The following BCAS3 variants were observed in gnomAD, a reference collection of about 807,000 sequenced individuals.
The protein encoded by BCAS3 is BCAS3 microtubule associated cell migration factor.
In BCAS3, 53 loss-of-function variants were observed where a neutral mutation model predicts 116.1. The ratio of observed to expected loss-of-function variants is 0.46; its 90% CI spans 0.37 to 0.57. The LOEUF is 0.57. Ranked by LOEUF, BCAS3 falls within the 20% of genes least tolerant of loss-of-function variation. The pLI, the probability that BCAS3 is intolerant of heterozygous loss-of-function variation, is 0.00. For missense variants in BCAS3, 917 were observed against 1,165.4 expected (o/e 0.79, Z 3.10); for synonymous variants, 391 against 408.2 (o/e 0.96, Z 0.51).
In BCAS3 at chr17:61,347,651, G is replaced by A. The variant is rs147526586; in HGVS notation, c.2426-20676G>A. On this transcript the variant is annotated intron_variant, in intron 22 of 23. Coordinates refer to ENST00000407086, the MANE Select transcript of BCAS3 (RefSeq NM_017679.5). This position sits in a 1 kb window ranked among gnomAD's most constrained non-coding sequence, Gnocchi z 4.3. ...CAAATTTCCCATCATCCAGCATAGC[G>A]ACTGGTGCACAATAGACATCTGTTT... 2.1e-3 allele frequency among the ~76,000 whole-genome samples: 315 copies of A among 152,278 alleles called. No homozygotes were observed. Among genetic ancestry groups the A allele is most frequent in the Non-Finnish European group, 3.1e-3 (211 of 68,024 alleles).
At chr17:61,121,122 A>G (rs961584325) in intron 22 of BCAS3, among the ~76,000 whole-genome samples, 9 of 152,262 alleles carry the variant, frequency 5.9e-5, no homozygotes, top group Admixed American at 5.2e-4. Flanking sequence ...GGCACTTGAA[A>G]AAAAGGGGTT....
At chr17:60,951,786 T>TTTC (rs2060848660) in intron 14 of BCAS3, among the ~76,000 whole-genome samples, 1 of 124,052 alleles carries the variant, frequency 8.1e-6, no homozygotes, top group African/African-American at 4.0e-5. Context: ...TTTTTTTTTT[T>TTTC]CTTTGGAGAC....
Position 61,198,487 on chromosome 17 carries a change from A to C in BCAS3, c.2425+113923A>C, listed in dbSNP as rs2080631336. Among the ~76,000 whole-genome samples, 1 of 152,230 alleles carries C rather than the reference A, an allele frequency of 6.6e-6. No homozygotes were observed. The highest frequency in any genetic ancestry group is 2.4e-5 in the African/African-American group (1 of 41,456). On this transcript the variant is annotated intron_variant, in intron 22 of 23. Transcript: ENST00000407086. This position sits in a 1 kb window ranked among gnomAD's most constrained non-coding sequence, Gnocchi z 5.0. ...TTCATTAATTTAAGTATTTTCTTCT[A>C]TAATAGCTACAACAATTTTATACTA...
At chr17:60,711,254 G>A (rs1004097617) in intron 5 of BCAS3, among the ~76,000 whole-genome samples, 2 of 151,564 alleles carry the variant, frequency 1.3e-5, no homozygotes, top group Non-Finnish European at 2.9e-5. Flanking sequence ...TTTGGGAAGT[G>A]TAGTTGACAT....
At chr17:61,163,996 TCAAAAAAAAAAAAC>T (rs1378524739) in intron 22 of BCAS3, among the ~76,000 whole-genome samples, 1 of 10,270 alleles carries the variant, frequency 9.7e-5, no homozygotes, top group African/African-American at 3.3e-4. Flanking sequence ...AAACTCCATC[TCAAAAAAAAAAAAC>T]CAAAAAAAAA....
chr17:60,974,167 T>A (rs2062151573), intron 14 of BCAS3, among the ~76,000 whole-genome samples: 1 of 152,176 alleles, frequency 6.6e-6, no homozygotes, highest in African/African-American at 2.4e-5. Context: ...CAGGTTTTTT[T>A]AGGATGTTAA....
chr17:60,983,007 A>G (rs1311141056), intron 14 of BCAS3, among the ~76,000 whole-genome samples: 1 of 152,194 alleles, frequency 6.6e-6, no homozygotes, highest in Admixed American at 6.5e-5. Context: ...TGAGTTTAAA[A>G]TATTGACTAG....
In BCAS3 at chr17:61,084,551, T is replaced by C. The variant is rs374651515; in HGVS notation, c.2412T>C (p.Ile804=). The C allele has an allele frequency of 1.5e-5, 25 of 1,613,784 alleles. No individual in the cohort carries two copies. Among genetic ancestry groups the C allele is most frequent in the East Asian group, 4.5e-5 (2 of 44,884 alleles). Residue 804 remains isoleucine, a synonymous_variant, in exon 22 of 24, where the codon ATT becomes ATC. Coordinates refer to ENST00000407086, the MANE Select transcript of BCAS3 (RefSeq NM_017679.5). The surrounding 1 kb of genome is among the most constrained non-coding windows in gnomAD (Gnocchi z 5.5). Reference sequence around the variant, plus strand: ...ATCGAAGGGGAGTTTCCACAGTGATTGATGCTGCCTCAGGTAGAAAACCAC... The same window carrying C: ...ATCGAAGGGGAGTTTCCACAGTGATCGATGCTGCCTCAGGTAGAAAACCAC... ...VSDRRGVSTV[I]DAASGTFDRS...
chr17:60,804,820 G>A (rs1024730574), intron 6 of BCAS3, among the ~76,000 whole-genome samples: 4 of 151,954 alleles, frequency 2.6e-5, no homozygotes, highest in African/African-American at 9.7e-5. Context: ...ATTTTTTAAG[G>A]AGCTCTTAAA....
At position 61,265,743 on chromosome 17, in the gene BCAS3, A is replaced by G. The variant is rs1346121618; in HGVS notation, c.2426-102584A>G. Among the ~76,000 whole-genome samples, 1 of 152,022 alleles carries G rather than the reference A, an allele frequency of 6.6e-6. No homozygotes were observed. Among genetic ancestry groups the G allele is most frequent in the Non-Finnish European group, 1.5e-5 (1 of 68,004 alleles). ...ATCTGCCAGGGTTTGTGTGTGTCAT[A>G]CTGTCCTGGACTCTGTATAGCAAAG... On this transcript the variant is annotated intron_variant, in intron 22 of 23. Coordinates refer to ENST00000407086, the MANE Select transcript of BCAS3 (RefSeq NM_017679.5). This position sits in a 1 kb window ranked among gnomAD's most constrained non-coding sequence, Gnocchi z 4.3.
intron 19 of BCAS3, among the ~76,000 whole-genome samples, chr17:61,052,695 GTTTCTTTCTTTC>G (rs1222418623): frequency 2.7e-5 from 4 of 146,886 alleles, no homozygotes; most frequent in Non-Finnish European, 4.5e-5. Flanking sequence ...TCTGTTGTGA[GTTTCTTTCTTTC>G]TTTCTTTCTT....
At chr17:60,940,075 A>G (rs192711850) in intron 13 of BCAS3, among the ~76,000 whole-genome samples, 1 of 152,368 alleles carries the variant, frequency 6.6e-6, no homozygotes, top group African/African-American at 2.4e-5. Flanking sequence ...TGATGTTAAT[A>G]CACTTCGAAC....
chr17:61,045,933 A>AAT (rs1332679070), intron 19 of BCAS3, among the ~76,000 whole-genome samples: 892 of 16,874 alleles, frequency 0.053, 102 homozygotes, highest in African/African-American at 0.21. Context: ...AATATATATA[A>AAT]ATATATATAT....
chr17:61,358,064 G>A (rs1324636074), intron 22 of BCAS3, among the ~76,000 whole-genome samples: 1 of 150,326 alleles, frequency 6.7e-6, no homozygotes, highest in African/African-American at 2.4e-5. Context: ...CTACAGCCTG[G>A]GCAACAGAGT....
intron 6 of BCAS3, among the ~76,000 whole-genome samples, chr17:60,805,142 A>G (rs971234268): frequency 6.6e-6 from 1 of 151,912 alleles, no homozygotes; most frequent in South Asian, 2.1e-4. Flanking sequence ...ATATAAATAT[A>G]TGTAGTTAAA....
Position 61,368,161 on chromosome 17 carries a change from A to G in BCAS3, c.2426-166A>G. 1 of 614,332 alleles carries G rather than the reference A, an allele frequency of 1.6e-6. No homozygotes were observed. The allele number at this position is 614,332 out of a possible 1,614,324, so 38.1% of individuals were successfully genotyped here. On this transcript the variant is annotated intron_variant, in intron 22 of 23. Coordinates refer to ENST00000407086, the MANE Select transcript of BCAS3 (RefSeq NM_017679.5). This position sits in a 1 kb window ranked among gnomAD's most constrained non-coding sequence, Gnocchi z 6.0. ...CAGAGGTCTGCACTCTCTCAGCGGC[A>G]TGAGCTATTTCTCCTGCGCTACCCA...
At chr17:61,081,899 T>G (rs1476779469) in intron 21 of BCAS3, among the ~76,000 whole-genome samples, 4 of 152,180 alleles carry the variant, frequency 2.6e-5, no homozygotes, top group Non-Finnish European at 4.4e-5. Flanking sequence ...AAGTCCTTGT[T>G]TAGATTTTTT....
Position 61,021,553 on chromosome 17 carries a change from T to C in BCAS3, c.1637+5652T>C, listed in dbSNP as rs551525759. Among the ~76,000 whole-genome samples the C allele has an allele frequency of 1.3e-5, 2 of 152,028 alleles. No individual in the cohort carries two copies. The highest frequency in any genetic ancestry group is 2.9e-5 in the Non-Finnish European group (2 of 68,002). On this transcript the variant is annotated intron_variant, in intron 16 of 23. Coordinates refer to ENST00000407086, the MANE Select transcript of BCAS3 (RefSeq NM_017679.5). This position sits in a 1 kb window ranked among gnomAD's most constrained non-coding sequence, Gnocchi z 4.6. ...AATTTCTTCACCTGAAAAAAAAAAGTTTATATATATGGATTATAATCTTTT... is the reference window on the plus strand; with the variant it reads ...AATTTCTTCACCTGAAAAAAAAAAGCTTATATATATGGATTATAATCTTTT...
At chr17:60,757,976 A>G (rs944355756) in intron 6 of BCAS3, among the ~76,000 whole-genome samples, 1 of 152,080 alleles carries the variant, frequency 6.6e-6, no homozygotes, top group African/African-American at 2.4e-5. Flanking sequence ...TTTTATGCAT[A>G]TGGATATTGA....
Sources: allele counts gnomAD v4.1 joint callset (sites outside exome capture counted in the v4.1 genomes callset), GRCh38; gene constraint gnomAD v4.1.1; non-coding constraint Gnocchi (gnomAD v3.1); transcripts MANE v1.5; gene names NCBI Gene and HGNC (gene_info 2026-07-23, HGNC 2026-07-21).